Variants in BCAS3 observed in about 807,000 individuals in gnomAD.
The protein encoded by BCAS3 is BCAS3 microtubule associated cell migration factor.
Under a neutral mutation model 116.1 loss-of-function variants are expected in BCAS3, and 53 were observed. The ratio of observed to expected loss-of-function variants is 0.46; its 90% CI spans 0.37 to 0.57. The LOEUF (loss-of-function observed/expected upper bound fraction) is 0.57. Ranked by LOEUF, BCAS3 falls within the 20% of genes least tolerant of loss-of-function variation. BCAS3 has a pLI of 0.00. For missense variants in BCAS3, 917 were observed against 1,165.4 expected, an observed-to-expected ratio of 0.79 and a Z score of 3.10; for synonymous variants, 391 against 408.2, an observed-to-expected ratio of 0.96 and a Z score of 0.51.
chr17:60,783,244 G>A (rs1360340542), intron 6 of BCAS3, among the ~76,000 whole-genome samples: 1 of 151,914 alleles, frequency 6.6e-6, no homozygotes, highest in Non-Finnish European at 1.5e-5. Context: ...TTGCTCTTTT[G>A]CCCAGGTTGG....
chr17:60,793,979 C>G (rs1159169064), intron 6 of BCAS3, among the ~76,000 whole-genome samples: 1 of 152,188 alleles, frequency 6.6e-6, no homozygotes, highest in African/African-American at 2.4e-5. Context: ...TAAGGAATCT[C>G]CACACTGTTT....
Position 60,960,767 on chromosome 17 carries a change from T to G in BCAS3, c.1221+13415T>G, listed in dbSNP as rs1024544662. Among the ~76,000 whole-genome samples, 2 of 151,698 alleles carry G rather than the reference T, an allele frequency of 1.3e-5. No homozygotes were observed. Among genetic ancestry groups the G allele is most frequent in the African/African-American group, 4.9e-5 (2 of 41,168 alleles). ...GAATTTTGCAAGTCCAGTAGCTGCC[T>G]TCTTCTTCTTTTTCTTTTTTTTTTT... On this transcript the variant is annotated intron_variant, in intron 14 of 23. Transcript: ENST00000407086. This position sits in a 1 kb window ranked among gnomAD's most constrained non-coding sequence, Gnocchi z 4.1.
At position 61,186,599 on chromosome 17, in the gene BCAS3, A is replaced by G. The variant is rs1032761844; in HGVS notation, c.2425+102035A>G. Among the ~76,000 whole-genome samples the G allele has an allele frequency of 1.3e-5, 2 of 152,102 alleles. No individual in the cohort carries two copies. The highest frequency in any genetic ancestry group is 4.1e-4 in the South Asian group (2 of 4,830). ...AATTTTTGTCTTCATATTATTTTAA[A>G]TTTTCAATCGGTTCAAAATTCAAAA... On this transcript the variant is annotated intron_variant, in intron 22 of 23. Transcript: ENST00000407086. This position sits in a 1 kb window ranked among gnomAD's most constrained non-coding sequence, Gnocchi z 4.9.
chr17:61,016,729 C>T (rs2065481756), intron 16 of BCAS3, among the ~76,000 whole-genome samples: 1 of 152,132 alleles, frequency 6.6e-6, no homozygotes, highest in South Asian at 2.1e-4. Context: ...TTAAAGTAGT[C>T]AAGAGAAAAC....
At chr17:60,859,863 C>T (rs753663872) in intron 7 of BCAS3, among the ~76,000 whole-genome samples, 4 of 152,118 alleles carry the variant, frequency 2.6e-5, no homozygotes, top group African/African-American at 4.8e-5. Context: ...GCCACCACGC[C>T]CGGCCTATGT....
chr17:61,208,994 C>G lies in BCAS3; in HGVS notation c.2425+124430C>G, dbSNP rs2144321877. 6.6e-6 allele frequency among the ~76,000 whole-genome samples: 1 copy of G among 152,078 alleles called. No homozygotes were observed. The highest frequency in any genetic ancestry group is 1.9e-4 in the East Asian group (1 of 5,166). On this transcript the variant is annotated intron_variant, in intron 22 of 23. Coordinates refer to ENST00000407086, the MANE Select transcript of BCAS3 (RefSeq NM_017679.5). The surrounding 1 kb of genome is among the most constrained non-coding windows in gnomAD (Gnocchi z 4.5). ...TATACCTCTGGTTGGTTCAAAATTG[C>G]TTAAATGTTGAAACATATGGTCTCA...
At chr17:60,929,288 G>A (rs1235504251) in intron 13 of BCAS3, among the ~76,000 whole-genome samples, 1 of 152,104 alleles carries the variant, frequency 6.6e-6, no homozygotes, top group Admixed American at 6.5e-5. Flanking sequence ...ACCTGGGCGT[G>A]GTGGCACGTG....
At chr17:61,335,336 A>G (rs1290164491) in intron 22 of BCAS3, among the ~76,000 whole-genome samples, 1 of 152,166 alleles carries the variant, frequency 6.6e-6, no homozygotes, top group Admixed American at 6.5e-5. Flanking sequence ...CAAGGTCCCT[A>G]ATGTTGCAGG....
In BCAS3 at chr17:60,993,908, T is replaced by C. The variant is rs2063686574; in HGVS notation, c.1486+3673T>C. ...TTTTTTTAACTTTCCAGAGGATGTT[T>C]ATTTATTTGAAATATATTCTTTATA... On this transcript the variant is annotated intron_variant, in intron 15 of 23. Transcript: ENST00000407086. The surrounding 1 kb of genome is among the most constrained non-coding windows in gnomAD (Gnocchi z 4.2). Among the ~76,000 whole-genome samples the C allele has an allele frequency of 6.6e-6, 1 of 152,206 alleles. No individual in the cohort carries two copies. The highest frequency in any genetic ancestry group is 1.5e-5 in the Non-Finnish European group (1 of 68,018).
At position 61,065,167 on chromosome 17, in the gene BCAS3, TTAC is replaced by T. The variant is rs2070478973; in HGVS notation, c.2030-9749_2030-9747del. Among the ~76,000 whole-genome samples, 1 of 152,216 alleles carries T rather than the reference TTAC, an allele frequency of 6.6e-6. No homozygotes were observed. Among genetic ancestry groups the T allele is most frequent in the Non-Finnish European group, 1.5e-5 (1 of 68,024 alleles). On this transcript the variant is annotated intron_variant, in intron 19 of 23. Coordinates refer to ENST00000407086, the MANE Select transcript of BCAS3 (RefSeq NM_017679.5). This position sits in a 1 kb window ranked among gnomAD's most constrained non-coding sequence, Gnocchi z 4.8. ...ATAACTTGAATCATTAAATCTCCAA[TTAC>T]TACGATTTAAATATGTTTGTTGGAT...
Position 61,227,412 on chromosome 17 carries a change from A to G in BCAS3, c.2426-140915A>G, listed in dbSNP as rs3785863. Reference sequence around the variant, plus strand: ...TCACTAATGCTGTTATAACCTAAACATGTCCCTAAGACCAGAAATTATAAT... The same window carrying G: ...TCACTAATGCTGTTATAACCTAAACGTGTCCCTAAGACCAGAAATTATAAT... On this transcript the variant is annotated intron_variant, in intron 22 of 23. Coordinates refer to ENST00000407086, the MANE Select transcript of BCAS3 (RefSeq NM_017679.5). This position sits in a 1 kb window ranked among gnomAD's most constrained non-coding sequence, Gnocchi z 6.1. Among the ~76,000 whole-genome samples, 4 of 152,362 alleles carry G rather than the reference A, an allele frequency of 2.6e-5. No homozygotes were observed. In the East Asian group the frequency reaches 7.7e-4, roughly 29 times the overall value.
In BCAS3 at chr17:61,226,418, A is replaced by G. The variant is rs2082374219; in HGVS notation, c.2425+141854A>G. 1.3e-5 allele frequency among the ~76,000 whole-genome samples: 2 copies of G among 152,196 alleles called. No individual in the cohort carries two copies. The highest frequency in any genetic ancestry group is 2.1e-4 in the South Asian group (1 of 4,832). ...TTGAAGAAAGAATTAAGACATTTCA[A>G]ACTTTTGTATGGAGATCTTTGTTAA... On this transcript the variant is annotated intron_variant, in intron 22 of 23. Transcript: ENST00000407086. This position sits in a 1 kb window ranked among gnomAD's most constrained non-coding sequence, Gnocchi z 6.0.
rs73328881 is a variant in BCAS3 at position 61,299,788 on chromosome 17, C to T, written c.2426-68539C>T. Among the ~76,000 whole-genome samples, 487 of 152,270 alleles carry T rather than the reference C, an allele frequency of 3.2e-3. 3 individuals carry two copies. The highest frequency in any genetic ancestry group is 0.011 in the African/African-American group (461 of 41,556). On this transcript the variant is annotated intron_variant, in intron 22 of 23. Coordinates refer to ENST00000407086, the MANE Select transcript of BCAS3 (RefSeq NM_017679.5). The stretch of plus-strand genomic sequence containing the variant: ...GACAGCATAGTTCAGCAAAAGGATG[C>T]GGGTCCTAGGACAGGGAGTGCAGCT...
rs1470428828 is a variant in BCAS3, at chr17:61,015,813, C to T, written c.1549C>T (p.Leu517Phe). 3.1e-6 allele frequency: 5 copies of T among 1,614,010 alleles called. No individual in the cohort carries two copies. Among genetic ancestry groups the T allele is most frequent in the Non-Finnish European group, 4.2e-6 (5 of 1,179,902 alleles). The change falls in exon 16 of 24, where the codon CTC becomes TTC. Residue 517 changes from leucine to phenylalanine, a missense_variant. Transcript: ENST00000407086. The stretch of plus-strand genomic sequence containing the variant: ...CAACAACAACCCTGGCAACCCTCGG[C>T]TCTCTCCTCTTCCCAGCTTGATGGT... ...FTNNNPGNPR[L>F]SPLPSLMVVM...
chr17:61,382,546 G>A (rs1268653721), intron 23 of BCAS3, among the ~76,000 whole-genome samples: 3 of 151,730 alleles, frequency 2.0e-5, no homozygotes, highest in Non-Finnish European at 4.4e-5. Context: ...ACAGGCGTGA[G>A]CCACCGCGCC....
chr17:61,245,638 T>C (rs921007617), intron 22 of BCAS3, among the ~76,000 whole-genome samples: 2 of 152,244 alleles, frequency 1.3e-5, no homozygotes, highest in Non-Finnish European at 2.9e-5. Flanking sequence ...AAATTGTATA[T>C]GTTCAAATCA....
intron 23 of BCAS3, among the ~76,000 whole-genome samples, chr17:61,386,255 T>C (rs896189400): frequency 6.6e-6 from 1 of 152,184 alleles, no homozygotes; most frequent in Non-Finnish European, 1.5e-5. Flanking sequence ...ACCACTTCCC[T>C]AAACGCCTCC....
At chr17:60,859,140 T>G (rs1401864203) in intron 7 of BCAS3, among the ~76,000 whole-genome samples, 1 of 152,144 alleles carries the variant, frequency 6.6e-6, no homozygotes, top group Non-Finnish European at 1.5e-5. Flanking sequence ...AATAAACATA[T>G]GACTTAATAT....
At chr17:61,271,802 A>T in intron 22 of BCAS3, among the ~76,000 whole-genome samples, 1 of 151,782 alleles carries the variant, frequency 6.6e-6, no homozygotes, top group Non-Finnish European at 1.5e-5. Context: ...TCCTAGAACC[A>T]TTTGGGGTTT....
Sources: gnomAD v4.1 joint callset for allele counts (sites outside exome capture counted in the v4.1 genomes callset) on GRCh38, gnomAD v4.1.1 for gene constraint, Gnocchi (gnomAD v3.1) non-coding constraint, MANE v1.5 for transcripts, NCBI Gene and HGNC (gene_info 2026-07-23, HGNC 2026-07-21) for gene names.